DNAH1: variants seen among roughly 807,000 people sequenced by gnomAD.
DNAH1 encodes the protein axonemal beta dynein heavy chain 1.
In DNAH1, 327 loss-of-function variants were observed where a neutral mutation model predicts 484.3. The ratio of observed to expected loss-of-function variants is 0.68; its 90% CI spans 0.62 to 0.74. The LOEUF (loss-of-function observed/expected upper bound fraction) is 0.74. DNAH1 is among the 30% of genes least tolerant of loss of function. The pLI is 0.00. For synonymous variants in DNAH1, 2,192 were observed against 2,191.9 expected, an observed-to-expected ratio of 1.00 and a Z score of 0.00; for missense variants, 5,052 against 5,546.8, an observed-to-expected ratio of 0.91 and a Z score of 2.83.
At chr3:52,360,922 G>A (rs953074128) in intron 28 of DNAH1, among the ~76,000 whole-genome samples, 1 of 152,072 alleles carries the variant, frequency 6.6e-6, no homozygotes. Flanking sequence ...AGTGAAGTGT[G>A]GCCACATGTC....
At chr3:52,382,140 G>A (rs376362315) in intron 49 of DNAH1, among the ~76,000 whole-genome samples, 180 bp from the exon 50 acceptor site, 1 of 152,172 alleles carries the variant, frequency 6.6e-6, no homozygotes, top group Non-Finnish European at 1.5e-5. Flanking sequence ...TTTGGACTGA[G>A]GGAACAACTT....
chr3:52,350,146 C>T (rs1444583670), intron 15 of DNAH1, 38 bp downstream of exon 15: 1 of 1,599,176 alleles, frequency 6.3e-7, no homozygotes, highest in Non-Finnish European at 8.5e-7. Context: ...CAGGGAGGCA[C>T]AGGGCTGGTG....
chr3:52,397,985 A>G, intron 74 of DNAH1, 47 bp from the exon 75 acceptor site: 1 of 1,599,402 alleles, frequency 6.3e-7, no homozygotes, highest in Non-Finnish European at 8.5e-7. Context: ...CCCACAGGGG[A>G]TAAGGGGGCC....
rs376040699 is a variant in DNAH1 at position 52,369,861 on chromosome 3, G to C, written c.5980G>C (p.Val1994Leu). ...TMMFEVQDLA[V>L]ASPATVSRCG... ...GATGTTCGAGGTGCAAGACCTGGCG[G>C]TGGCTTCACCAGCTACAGTCTCCCG... Residue 1994 changes from valine to leucine, a missense_variant, in exon 38 of 78, where the codon GTG (valine) becomes CTG (leucine). Around this residue, in one of 4 missense-constraint regions of DNAH1, gnomAD observed 2,929 missense variants for 3,409.4 expected, o/e 0.86. Transcript: ENST00000420323. The C allele has an allele frequency of 1.2e-6, 2 of 1,612,786 alleles. No individual in the cohort carries two copies. Among genetic ancestry groups the C allele is most frequent in the Non-Finnish European group, 1.7e-6 (2 of 1,178,988 alleles).
intron 46 of DNAH1, among the ~76,000 whole-genome samples, chr3:52,377,148 C>T (rs1398007065): frequency 4.6e-5 from 7 of 152,160 alleles, no homozygotes; most frequent in African/African-American, 1.7e-4. Context: ...CACATCTTCC[C>T]TGGGATGTCC....
In DNAH1 at chr3:52,364,932, A is replaced by G; in HGVS notation, c.5431A>G (p.Thr1811Ala). The G allele has an allele frequency of 1.2e-6, 2 of 1,613,936 alleles. No homozygotes were observed. The highest frequency in any genetic ancestry group is 8.5e-7 in the Non-Finnish European group (1 of 1,179,850). Residue 1811 changes from threonine to alanine, a missense_variant, in exon 34 of 78, where the codon ACC becomes GCC. Coordinates refer to ENST00000420323, the MANE Select transcript of DNAH1 (RefSeq NM_015512.5). This position sits in a 1 kb window ranked among gnomAD's most constrained non-coding sequence, Gnocchi z 4.2. ...FSGIVSDLFP[T>A]IKEEDTDYGI... ...TGGCATCGTGTCCGACCTGTTTCCC[A>G]CCATCAAGGAGGAGGACACGGACTA...
intron 66 of DNAH1, 91 bp from the exon 67 acceptor site, chr3:52,394,374 G>A: frequency 2.4e-6 from 3 of 1,241,932 alleles, no homozygotes; most frequent in Non-Finnish European, 3.4e-6. Context: ...TCCAGGTGAG[G>A]GTGGTTAGAG....
rs749246131 is a variant in DNAH1, at chr3:52,322,705, AG to A, written c.264del (p.Lys88AsnfsTer4). ...RKSPLTGTDK[K>X]YPLMKQRGFY... Reference sequence around the variant, plus strand: ...TCACCCCTGACAGGCACTGATAAGAAGTACCCGCTGATGAAGCAGCGTGGGT... The same window carrying A: ...TCACCCCTGACAGGCACTGATAAGAATACCCGCTGATGAAGCAGCGTGGGT... On this transcript the variant is annotated frameshift_variant, in exon 2 of 78. Transcript: ENST00000420323. LOFTEE classifies it high-confidence loss of function. 1 of 1,613,704 alleles carries A rather than the reference AG, an allele frequency of 6.2e-7. No homozygotes were observed.
Position 52,347,877 on chromosome 3 carries a change from TG to T in DNAH1, c.2010del (p.His671ThrfsTer14). The T allele has an allele frequency of 6.2e-7, 1 of 1,605,744 alleles. No individual in the cohort carries two copies. The highest frequency in any genetic ancestry group is 8.5e-7 in the Non-Finnish European group (1 of 1,176,132). Reference sequence around the variant, plus strand: ...GACCTGGTGCTGGACAGCTCTGGGGTGCACTATAGCACCCCACTGGAGCAGT... The same window carrying T: ...GACCTGGTGCTGGACAGCTCTGGGGTCACTATAGCACCCCACTGGAGCAGT... ...IMDLVLDSSGVHYSTPLEQFE... is the reference protein window; with the variant it reads ...IMDLVLDSSGXHYSTPLEQFE... On this transcript the variant is annotated frameshift_variant, in exon 12 of 78. Coordinates refer to ENST00000420323, the MANE Select transcript of DNAH1 (RefSeq NM_015512.5). LOFTEE classifies it high-confidence loss of function.
In DNAH1 at chr3:52,348,977, C is replaced by T. The variant is rs1454889001; in HGVS notation, c.2196C>T (p.Thr732=). The change falls in exon 13 of 78, where the codon ACC becomes ACT. Residue 732 remains threonine, a synonymous_variant. Coordinates refer to ENST00000420323, the MANE Select transcript of DNAH1 (RefSeq NM_015512.5). ...HEPLVEELRA[T]IASAVSKAMI... ...CACTGGTGGAAGAGCTACGGGCCAC[C>T]ATTGCCAGTGCCGTGTCCAAGGCCA... The T allele has an allele frequency of 1.1e-5, 18 of 1,613,528 alleles. No individual in the cohort carries two copies. The highest frequency in any genetic ancestry group is 2.7e-5 in the African/African-American group (2 of 75,064).
chr3:52,333,688 AC>A (rs1432151095), intron 8 of DNAH1, among the ~76,000 whole-genome samples: 18 of 152,022 alleles, frequency 1.2e-4, no homozygotes, highest in Non-Finnish European at 1.9e-4. Context: ...CAGCCAACTT[AC>A]CATTTTTCAA....
In DNAH1 at chr3:52,370,827, T is replaced by G; in HGVS notation, c.6525+2T>G. 4.4e-6 allele frequency: 7 copies of G among 1,589,638 alleles called. No homozygotes were observed. The highest frequency in any genetic ancestry group is 6.0e-6 in the Non-Finnish European group (7 of 1,168,704). Reference sequence around the variant, plus strand: ...GATGAAGAGGAGGAATACAAGCAGGTGGCCGCAGGCCCTCCCCAGAGACTG... The same window carrying G: ...GATGAAGAGGAGGAATACAAGCAGGGGGCCGCAGGCCCTCCCCAGAGACTG... On this transcript the variant is annotated splice_donor_variant, in intron 41 of 77. Coordinates refer to ENST00000420323, the MANE Select transcript of DNAH1 (RefSeq NM_015512.5). LOFTEE classifies it high-confidence loss of function.
chr3:52,396,862 C>T lies in DNAH1; in HGVS notation c.11611-6C>T, dbSNP rs750583965. On this transcript the variant is annotated splice_region_variant and splice_polypyrimidine_tract_variant and intron_variant, in intron 72 of 77. Coordinates refer to ENST00000420323, the MANE Select transcript of DNAH1 (RefSeq NM_015512.5). The stretch of plus-strand genomic sequence containing the variant: ...TTAGGGGAGCCCTCACCCACCCACC[C>T]CATAGGTCCTCAAGTACACGGCAGG... 6.2e-7 allele frequency: 1 copy of T among 1,613,008 alleles called. No homozygotes were observed. Among genetic ancestry groups the T allele is most frequent in the Non-Finnish European group, 8.5e-7 (1 of 1,179,646 alleles).
rs779077427 is a variant in DNAH1 at position 52,358,748 on chromosome 3, C to A, written c.4266+11C>A. ...AGGGCCTACCCCACGGTGAGCCGCC[C>A]GCAGCCCGTGCAGCCTTCCACCCCT... On this transcript the variant is annotated intron_variant, in intron 25 of 77. Coordinates refer to ENST00000420323, the MANE Select transcript of DNAH1 (RefSeq NM_015512.5). The surrounding 1 kb of genome is among the most constrained non-coding windows in gnomAD (Gnocchi z 4.2). 6.2e-7 allele frequency: 1 copy of A among 1,611,474 alleles called. No homozygotes were observed. Among genetic ancestry groups the A allele is most frequent in the African/African-American group, 1.3e-5 (1 of 74,822 alleles).
At chr3:52,363,984 C>A (rs1702969385) in intron 32 of DNAH1, among the ~76,000 whole-genome samples, 1 of 152,172 alleles carries the variant, frequency 6.6e-6, no homozygotes, top group South Asian at 2.1e-4. Context: ...GAGCAACTAT[C>A]CCACATGGTT....
upstream of DNAH1, among the ~76,000 whole-genome samples, chr3:52,314,925 C>G (rs1407367700): frequency 6.6e-6 from 1 of 152,192 alleles, no homozygotes; most frequent in Non-Finnish European, 1.5e-5. Context: ...GGTCTTCAGT[C>G]CACCAGCCCC....
At chr3:52,378,193 T>G (rs1578174110) in intron 46 of DNAH1, among the ~76,000 whole-genome samples, 1 of 151,774 alleles carries the variant, frequency 6.6e-6, no homozygotes, top group East Asian at 1.9e-4. Context: ...GCTCCAAGCC[T>G]CCCCACGCCC....
In DNAH1 at chr3:52,393,362, C is replaced by T; in HGVS notation, c.10503C>T (p.Ile3501=). Residue 3501 remains isoleucine, a synonymous_variant, in exon 66 of 78, where the codon ATC becomes ATT. Coordinates refer to ENST00000420323, the MANE Select transcript of DNAH1 (RefSeq NM_015512.5). The part of the protein sequence containing the change: ...ADNLKKRISN[I]NRYLTYSLYS... ...ACCTGAAGAAGCGCATCTCCAACAT[C>T]AACCGCTACCTGACCTACAGCCTCT... 6.2e-7 allele frequency: 1 copy of T among 1,614,032 alleles called. No individual in the cohort carries two copies. Among genetic ancestry groups the T allele is most frequent in the African/African-American group, 1.3e-5 (1 of 75,052 alleles).
In DNAH1 at chr3:52,396,478, G is replaced by A. The variant is rs777181849; in HGVS notation, c.11370G>A (p.Arg3790=). 2 of 1,605,702 alleles carry A rather than the reference G, an allele frequency of 1.2e-6. No homozygotes were observed. Among genetic ancestry groups the A allele is most frequent in the South Asian group, 1.1e-5 (1 of 89,694 alleles). ...CCATTGAGCCGCCACGCGGTGTCAGGGCCAACCTGCTGAAGTCCTATAGTA... is the reference window on the plus strand; with the variant it reads ...CCATTGAGCCGCCACGCGGTGTCAGAGCCAACCTGCTGAAGTCCTATAGTA... ...KMTIEPPRGV[R]ANLLKSYSSL... is the part of the protein sequence containing the mutation. The change falls in exon 71 of 78, where the codon AGG becomes AGA. Residue 3790 remains arginine, a synonymous_variant. Transcript: ENST00000420323.
Sources: allele counts gnomAD v4.1 joint callset (sites outside exome capture counted in the v4.1 genomes callset), GRCh38; gene constraint gnomAD v4.1.1; regional missense constraint gnomAD v4.1.1; non-coding constraint Gnocchi (gnomAD v3.1); transcripts MANE v1.5; gene names NCBI Gene and HGNC (gene_info 2026-07-23, HGNC 2026-07-21).